Variants in SSBP3 observed in about 807,000 individuals in gnomAD.
The protein encoded by SSBP3 is single-stranded DNA-binding protein 3.
Under a neutral mutation model 69.6 loss-of-function variants are expected in SSBP3, and 5 were observed. That is an observed-to-expected ratio of 0.07 (90% CI 0.04 to 0.15). The LOEUF (loss-of-function observed/expected upper bound fraction) is 0.15. Ranked by LOEUF, SSBP3 falls within the 10% of genes least tolerant of loss-of-function variation. The pLI, the probability that SSBP3 is intolerant of heterozygous loss-of-function variation, is 1.00. For synonymous variants in SSBP3, 196 were observed against 193.4 expected (o/e 1.01, Z -0.11); for missense variants, 312 against 534.0 (o/e 0.58, Z 4.10).
intron 4 of SSBP3, among the ~76,000 whole-genome samples, chr1:54,366,950 G>GT (rs1647038068): frequency 6.6e-6 from 1 of 152,198 alleles, no homozygotes; most frequent in Non-Finnish European, 1.5e-5. Flanking sequence ...GAGTGACACT[G>GT]TTCATGGCAC....
chr1:54,362,536 C>T (rs1251848312), intron 4 of SSBP3, among the ~76,000 whole-genome samples: 7 of 152,134 alleles, frequency 4.6e-5, no homozygotes, highest in Admixed American at 4.6e-4. Flanking sequence ...GAGTAAGGAC[C>T]CAGAAGGCGG....
At chr1:54,232,565 A>G (rs1644398142) in intron 14 of SSBP3, among the ~76,000 whole-genome samples, 1 of 152,198 alleles carries the variant, frequency 6.6e-6, no homozygotes, top group South Asian at 2.1e-4. Flanking sequence ...CCTCATCTCT[A>G]CATCAACAAA....
chr1:54,327,926 A>T (rs1646338688), intron 4 of SSBP3, among the ~76,000 whole-genome samples: 1 of 152,220 alleles, frequency 6.6e-6, no homozygotes, highest in South Asian at 2.1e-4. Context: ...ATTTACATGC[A>T]AACGACTTCC....
intron 4 of SSBP3, among the ~76,000 whole-genome samples, chr1:54,293,150 G>A (rs1645638552): frequency 2.6e-5 from 4 of 152,076 alleles, no homozygotes; most frequent in South Asian, 2.1e-4. Flanking sequence ...CTGCCACTTC[G>A]GAGCTCACTA....
intron 5 of SSBP3, among the ~76,000 whole-genome samples, chr1:54,268,474 C>T (rs564360651): frequency 4.6e-5 from 7 of 152,274 alleles, no homozygotes; most frequent in Admixed American, 2.0e-4. Flanking sequence ...TGCCCCTTCA[C>T]CCCCGACAGT....
chr1:54,225,924 C>T (rs1227453173), exon 18 of SSBP3: 1 of 152,316 alleles, frequency 6.6e-6, no homozygotes, highest in Non-Finnish European at 1.5e-5. Context: ...CCATCCAGTC[C>T]CAAGCATATA....
intron 4 of SSBP3, among the ~76,000 whole-genome samples, chr1:54,345,298 G>A (rs1477619187): frequency 1.3e-5 from 2 of 152,068 alleles, no homozygotes; most frequent in African/African-American, 2.4e-5. Context: ...TTGACACTAC[G>A]CAATATTTGC....
At position 54,233,154 on chromosome 1, in the gene SSBP3, C is replaced by T. The variant is rs560233785; in HGVS notation, c.928-4328G>A. On this transcript the variant is annotated intron_variant, in intron 14 of 17. Coordinates refer to ENST00000610401, the Ensembl canonical transcript of SSBP3. ...AGTGAGGAGCGCCTCTTCCCGGCCG[C>T]CATCACATCTAGGAAGTGAGGAGCG... Among the ~76,000 whole-genome samples, 96 of 151,324 alleles carry T rather than the reference C, an allele frequency of 6.3e-4. No individual in the cohort carries two copies. In the East Asian group the frequency reaches 0.013, roughly 21 times the overall value.
chr1:54,361,057 T>A (rs1371714354), intron 4 of SSBP3, among the ~76,000 whole-genome samples: 1 of 152,010 alleles, frequency 6.6e-6, no homozygotes, highest in Non-Finnish European at 1.5e-5. Flanking sequence ...ACCACTGCAT[T>A]CCAGCCTGGG....
At chr1:54,293,807 G>A (rs973256939) in intron 4 of SSBP3, among the ~76,000 whole-genome samples, 1 of 152,370 alleles carries the variant, frequency 6.6e-6, no homozygotes, top group East Asian at 1.9e-4. Context: ...TGCTGGCTCA[G>A]TAAATATTTT....
At chr1:54,289,542 G>C (rs1645566683) in intron 4 of SSBP3, among the ~76,000 whole-genome samples, 1 of 152,212 alleles carries the variant, frequency 6.6e-6, no homozygotes, top group Admixed American at 6.5e-5. Flanking sequence ...GAGGATGCAA[G>C]GAGTTGTGGT....
At chr1:54,352,958 A>G (rs1646804661) in intron 4 of SSBP3, among the ~76,000 whole-genome samples, 1 of 152,190 alleles carries the variant, frequency 6.6e-6, no homozygotes, top group Admixed American at 6.5e-5. Context: ...CGGGCCCCTC[A>G]ACGGATTCTG....
intron 4 of SSBP3, among the ~76,000 whole-genome samples, chr1:54,348,803 C>A (rs61776538): frequency 3.9e-5 from 6 of 152,190 alleles, no homozygotes; most frequent in Non-Finnish European, 8.8e-5. Flanking sequence ...AGGCCAAGGC[C>A]TTGGAAGTGA....
intron 4 of SSBP3, among the ~76,000 whole-genome samples, chr1:54,299,944 T>C (rs1002611716): frequency 1.3e-5 from 2 of 152,116 alleles, no homozygotes; most frequent in Admixed American, 6.5e-5. Context: ...CCCTGAACAC[T>C]GCATGTCTTT....
chr1:54,376,624 G>C (rs1329844045), intron 4 of SSBP3, among the ~76,000 whole-genome samples: 1 of 152,158 alleles, frequency 6.6e-6, no homozygotes, highest in African/African-American at 2.4e-5. Context: ...CTTCTAGGAG[G>C]GGGGCTTTCA....
At chr1:54,411,849 G>C (rs1176983760) in intron 1 of SSBP3, among the ~76,000 whole-genome samples, 2 of 144,946 alleles carry the variant, frequency 1.4e-5, no homozygotes, top group South Asian at 2.2e-4. Context: ...CCGAGATGGC[G>C]TCACTGCACT....
exon 16 of SSBP3, chr1:54,228,465 A>G: frequency 1.2e-6 from 2 of 1,614,212 alleles, no homozygotes; most frequent in Non-Finnish European, 1.7e-6. Flanking sequence ...AAGTCCGTCT[A>G]TGTCGCCTGA....
chr1:54,323,304 TA>T (rs1445418209), intron 4 of SSBP3, among the ~76,000 whole-genome samples: 1 of 152,146 alleles, frequency 6.6e-6, no homozygotes, highest in Non-Finnish European at 1.5e-5. Context: ...ACTTTTACCA[TA>T]AGTGGGGAGA....
intron 3 of SSBP3, 88 bp downstream of exon 3, chr1:54,404,488 G>A: frequency 1.3e-6 from 2 of 1,511,764 alleles, no homozygotes; most frequent in Admixed American, 1.7e-5. Context: ...AGGGCGGAGG[G>A]CCTGCTCCAA....
Sources: allele counts gnomAD v4.1 joint callset (sites outside exome capture counted in the v4.1 genomes callset), GRCh38; gene constraint gnomAD v4.1.1; transcripts MANE v1.5; gene names NCBI Gene and HGNC (gene_info 2026-07-23, HGNC 2026-07-21).